Variants in CCDC90B observed in about 807,000 individuals in gnomAD.
The protein encoded by CCDC90B is coiled-coil domain-containing protein 90B, mitochondrial.
A neutral mutation model predicts 37.0 loss-of-function variants in CCDC90B; 24 were observed. That is an observed-to-expected ratio of 0.65 (90% confidence interval 0.47 to 0.91). The LOEUF is 0.91. Among genes scored for constraint, CCDC90B ranks in the 40% least tolerant of loss-of-function variants. CCDC90B has a pLI of 0.00. For missense variants in CCDC90B, 319 were observed against 299.0 expected (o/e 1.07, Z -0.49); for synonymous variants, 113 against 101.1 (o/e 1.12, Z -0.71).
At chr11:83,267,232 G>T (rs1459570509) in intron 7 of CCDC90B, 2 of 152,206 alleles carry the variant, frequency 1.3e-5, no homozygotes, top group Non-Finnish European at 2.9e-5. Context: ...CTCCTTGCCA[G>T]CAATGGCAAG....
At chr11:83,273,599 CA>C in intron 7 of CCDC90B, 47 bp downstream of exon 7, 1 of 1,397,992 alleles carries the variant, frequency 7.2e-7, no homozygotes, top group South Asian at 1.3e-5. Flanking sequence ...AGCAGTTATA[CA>C]AGGCACAAGA....
intron 1 of CCDC90B, chr11:83,285,413 A>C: frequency 8.7e-7 from 1 of 1,149,798 alleles, no homozygotes; most frequent in Non-Finnish European, 1.1e-6. Context: ...TGAGAATTCC[A>C]GTGAGAATAA....
At chr11:83,266,521 T>C (rs1864285127) in intron 7 of CCDC90B, among the ~76,000 whole-genome samples, 1 of 152,160 alleles carries the variant, frequency 6.6e-6, no homozygotes, top group African/African-American at 2.4e-5. Flanking sequence ...CAGTCTGAAA[T>C]CGAACTGTGA....
rs773770024 is a variant in CCDC90B, at chr11:83,274,000, C to T, written c.427-8G>A. 7 of 1,539,382 alleles carry T rather than the reference C, an allele frequency of 4.5e-6. No individual in the cohort carries two copies. The highest frequency in any genetic ancestry group is 6.1e-6 in the Non-Finnish European group (7 of 1,146,286). The stretch of plus-strand genomic sequence containing the variant: ...TAATTCAATTTTCATTTTCTAGGTA[C>T]AGGAAAGATCACATGCAATTAGCAT... On this transcript the variant is annotated splice_region_variant and splice_polypyrimidine_tract_variant and intron_variant, in intron 4 of 8. Coordinates refer to ENST00000529689, the MANE Select transcript of CCDC90B (RefSeq NM_021825.5).
chr11:83,274,181 A>T, intron 4 of CCDC90B, 189 bp from the exon 5 acceptor site: 1 of 410,818 alleles, frequency 2.4e-6, no homozygotes, highest in East Asian at 3.6e-5. Context: ...TATGAGCAAA[A>T]TGCATTTGTT....
chr11:83,274,733 G>A lies in CCDC90B; in HGVS notation c.332C>T (p.Thr111Ile). The A allele has an allele frequency of 6.3e-7, 1 of 1,599,084 alleles. No homozygotes were observed. The highest frequency in any genetic ancestry group is 8.6e-7 in the Non-Finnish European group (1 of 1,169,124). The change falls in exon 4 of 9, where the codon ACA (threonine) becomes ATA (isoleucine). Residue 111 changes from threonine to isoleucine, a missense_variant. Transcript: ENST00000529689. ...EMVTQAQQEI[T>I]VQQLMAHLDA... ...CAAATGAGCCATTAGCTGTTGTACT[G>A]TTATTTCCTAGAAAACAAAATAAAA... is the stretch of plus-strand genomic sequence containing the variant.
At chr11:83,273,526 G>A (rs1864818733) in intron 7 of CCDC90B, 121 bp downstream of exon 7, 2 of 664,560 alleles carry the variant, frequency 3.0e-6, no homozygotes, top group Non-Finnish European at 4.7e-6. Context: ...TAGCTATGAG[G>A]AAGCCAGAGA....
intron 3 of CCDC90B, among the ~76,000 whole-genome samples, chr11:83,278,249 T>C (rs1475288118): frequency 6.6e-6 from 1 of 152,190 alleles, no homozygotes; most frequent in Non-Finnish European, 1.5e-5. Flanking sequence ...ATGTTTGACT[T>C]TAAGGATTTT....
Position 83,261,814 on chromosome 11 carries a change from G to A in CCDC90B, c.*97C>T. 3 of 788,966 alleles carry A rather than the reference G, an allele frequency of 3.8e-6. No individual in the cohort carries two copies. The East Asian group carries it at 7.6e-5, about 20-fold the overall frequency. The allele number at this position is 788,966 out of a possible 1,614,324, so 48.9% of individuals were successfully genotyped here. On this transcript the variant is annotated 3_prime_UTR_variant, in exon 9 of 9. Coordinates refer to ENST00000529689, the MANE Select transcript of CCDC90B (RefSeq NM_021825.5). ...CCGTATACACTTCGAATAATCTTGT[G>A]TAGTAAATTTTTGCTGCAACTGACA... is the stretch of plus-strand genomic sequence containing the variant.
intron 1 of CCDC90B, among the ~76,000 whole-genome samples, chr11:83,284,472 A>G (rs684404): frequency 0.44 from 67,129 of 152,116 alleles, 15,174 homozygotes; most frequent in African/African-American, 0.54. Context: ...CATTAACAGC[A>G]TATATTCTTA....
In CCDC90B at chr11:83,260,225, T is replaced by C. The variant is rs1212638460; in HGVS notation, c.*1686A>G. 6.6e-6 allele frequency: 1 copy of C among 152,240 alleles called. No homozygotes were observed. Among genetic ancestry groups the C allele is most frequent in the Non-Finnish European group, 1.5e-5 (1 of 68,044 alleles). The allele number at this position is 152,240 out of a possible 1,614,324, so 9.4% of individuals were successfully genotyped here. A position where few individuals can be genotyped will look rare whatever the true frequency, so the allele number is the denominator to read the frequency against. Reference sequence around the variant, plus strand: ...CAAACCAATAATTTACTTGTTTATGTCTCTCTCCTTAAGATTGTCAATTCA... The same window carrying C: ...CAAACCAATAATTTACTTGTTTATGCCTCTCTCCTTAAGATTGTCAATTCA... On this transcript the variant is annotated 3_prime_UTR_variant, in exon 9 of 9. Transcript: ENST00000529689.
At chr11:83,280,315 C>CT in intron 1 of CCDC90B, 55 bp from the exon 2 acceptor site, 1 of 1,490,296 alleles carries the variant, frequency 6.7e-7, no homozygotes, top group Non-Finnish European at 9.2e-7. Flanking sequence ...TACAAAGCTA[C>CT]TTTAGCTTAC....
chr11:83,281,184 A>C (rs1303277344), intron 1 of CCDC90B, among the ~76,000 whole-genome samples: 2 of 152,196 alleles, frequency 1.3e-5, no homozygotes. Context: ...TGTCTCTCTT[A>C]TGTATCTTAA....
At position 83,265,928 on chromosome 11, in the gene CCDC90B, C is replaced by G. The variant is rs766738574; in HGVS notation, c.646G>C (p.Glu216Gln). The stretch of plus-strand genomic sequence containing the variant: ...ATCAGTGTTTTTAAGGAAGCAATTT[C>G]AGCGTCAATTTTATTACTGGTCTCT... ...ISETSNKIDA[E>Q]IASLKTLMES... Residue 216 changes from glutamate to glutamine, a missense_variant, in exon 8 of 9, where the codon GAA (glutamate) becomes CAA (glutamine). By Grantham distance (29) the Glu-to-Gln change is conservative. Transcript: ENST00000529689. The G allele has an allele frequency of 6.2e-7, 1 of 1,612,796 alleles. No individual in the cohort carries two copies.
intron 7 of CCDC90B, among the ~76,000 whole-genome samples, chr11:83,270,330 G>T (rs888468827): frequency 3.3e-5 from 5 of 152,062 alleles, no homozygotes; most frequent in Non-Finnish European, 7.4e-5. Flanking sequence ...GAAATAAAGG[G>T]TATTCAATTA....
At chr11:83,278,685 T>C (rs1865191356) in intron 3 of CCDC90B, 41 bp downstream of exon 3, 6 of 1,268,400 alleles carry the variant, frequency 4.7e-6, no homozygotes, top group South Asian at 1.2e-5. Flanking sequence ...GAAATGATTG[T>C]CTAATGAAAG....
Position 83,274,691 on chromosome 11 carries a change from T to G in CCDC90B, c.374A>C (p.Asp125Ala), listed in dbSNP as rs1864917375. The change falls in exon 4 of 9, where the codon GAC becomes GCC. Residue 125 changes from aspartate to alanine, a missense_variant. Physicochemically the swap from Asp to Ala is moderately radical, Grantham distance 126. Transcript: ENST00000529689. ...LMAHLDAIRK[D>A]MVILEKSEFA... ...TTCACTTTTCTCTAGGATGACCATG[T>G]CTTTCCTGATAGCATCCAAATGAGC... The G allele has an allele frequency of 1.2e-6, 2 of 1,610,790 alleles. No individual in the cohort carries two copies. The highest frequency in any genetic ancestry group is 2.7e-5 in the African/African-American group (2 of 74,954).
intron 3 of CCDC90B, among the ~76,000 whole-genome samples, chr11:83,275,131 G>A (rs1864946507): frequency 1.3e-5 from 2 of 152,046 alleles, no homozygotes; most frequent in Admixed American, 1.3e-4. Context: ...CATGGTATTG[G>A]ATACGACTCA....
intron 8 of CCDC90B, among the ~76,000 whole-genome samples, chr11:83,264,085 C>G (rs1565206691): frequency 6.6e-6 from 1 of 152,012 alleles, no homozygotes; most frequent in Non-Finnish European, 1.5e-5. Flanking sequence ...AGCACAGGGC[C>G]ACCAAGATAT....
Sources: gnomAD v4.1 joint callset for allele counts (sites outside exome capture counted in the v4.1 genomes callset) on GRCh38, gnomAD v4.1.1 for gene constraint, MANE v1.5 for transcripts, NCBI Gene and HGNC (gene_info 2026-07-23, HGNC 2026-07-21) for gene names.